Variants in PCNX1 observed in about 807,000 individuals in gnomAD.
PCNX1 encodes the protein pecanex 1.
In PCNX1, 78 loss-of-function variants were observed where a neutral mutation model predicts 242.2. The ratio of observed to expected loss-of-function variants is 0.32; its 90% CI spans 0.27 to 0.39. PCNX1 has a LOEUF of 0.39. PCNX1 is among the 10% of genes least tolerant of loss of function. PCNX1 has a pLI of 1.00. For synonymous variants in PCNX1, 1,024 were observed against 1,032.9 expected (o/e 0.99, Z 0.17); for missense variants, 2,581 against 2,856.5 (o/e 0.90, Z 2.20).
In PCNX1 at chr14:71,035,062, C is replaced by A. The variant is rs192787177; in HGVS notation, c.3775-1003C>A. On this transcript the variant is annotated intron_variant, in intron 18 of 35. Transcript: ENST00000304743. ...AGGGATATACCCCTATAAATGACAC[C>A]GTGGTCAGGAGTGGTGGTGTGTGCC... Among the ~76,000 whole-genome samples, 278 of 152,082 alleles carry A rather than the reference C, an allele frequency of 1.8e-3. 3 individuals are homozygous for A. The highest frequency in any genetic ancestry group is 6.6e-3 in the African/African-American group (273 of 41,480).
Position 70,988,600 on chromosome 14 carries a change from G to T in PCNX1, c.2345G>T (p.Arg782Leu), listed in dbSNP as rs34655198. Residue 782 changes from arginine (R) to leucine (L), a missense_variant, in exon 7 of 36, where the codon CGC (arginine) becomes CTC (leucine). By Grantham distance (102) the Arg-to-Leu change is moderately radical (BLOSUM62 -2). This residue lies in a region of PCNX1 where 1,204 missense variants were observed against 1,216.7 expected (regional missense o/e 0.99). Coordinates refer to ENST00000304743, the MANE Select transcript of PCNX1 (RefSeq NM_014982.3). ...GCCAGCGAGGAGGCAGTGTCATTTCGCCGTGAACGCAGCACATTTAGGCGC... is the reference window on the plus strand; with the variant it reads ...GCCAGCGAGGAGGCAGTGTCATTTCTCCGTGAACGCAGCACATTTAGGCGC... Reference protein sequence around the residue: ...AQASEEAVSFRRERSTFRRQA... With the variant: ...AQASEEAVSFLRERSTFRRQA... The T allele has an allele frequency of 2.5e-6, 4 of 1,614,052 alleles. No individual in the cohort carries two copies. Among genetic ancestry groups the T allele is most frequent in the African/African-American group, 1.3e-5 (1 of 75,006 alleles).
At chr14:70,967,479 A>G (rs914785055) in intron 3 of PCNX1, among the ~76,000 whole-genome samples, 13 of 152,146 alleles carry the variant, frequency 8.5e-5, no homozygotes, top group African/African-American at 3.1e-4. Context: ...AATTTGTGGT[A>G]TTTATTTATA....
chr14:71,000,806 A>G (rs538528430), intron 8 of PCNX1, among the ~76,000 whole-genome samples: 2 of 152,244 alleles, frequency 1.3e-5, no homozygotes, highest in East Asian at 3.9e-4. Flanking sequence ...GATTATAGGC[A>G]TGAGCCACCA....
At chr14:70,988,500 C>T (rs978946720) in intron 6 of PCNX1, 67 bp from the exon 7 acceptor site, 34 of 1,554,350 alleles carry the variant, frequency 2.2e-5, no homozygotes, top group Middle Eastern at 1.7e-4. Flanking sequence ...CAAGGGAAAG[C>T]CAGGCTCAGC....
intron 32 of PCNX1, among the ~76,000 whole-genome samples, chr14:71,104,841 C>A (rs1189209265): frequency 6.6e-6 from 1 of 152,066 alleles, no homozygotes; most frequent in African/African-American, 2.4e-5. Flanking sequence ...GCAGGAAAAT[C>A]GTTTGAACTT....
chr14:71,070,299 C>T (rs1046592079), intron 26 of PCNX1, among the ~76,000 whole-genome samples: 1 of 152,160 alleles, frequency 6.6e-6, no homozygotes, highest in Non-Finnish European at 1.5e-5. Flanking sequence ...ATTTCAAATT[C>T]CTATTAGTGT....
chr14:71,080,530 G>A (rs1469077180), intron 28 of PCNX1, among the ~76,000 whole-genome samples: 4 of 152,074 alleles, frequency 2.6e-5, no homozygotes, highest in Admixed American at 6.6e-5. Context: ...CCATTTGTTT[G>A]TGTCCTCTCT....
intron 24 of PCNX1, among the ~76,000 whole-genome samples, chr14:71,054,729 A>G (rs1211032056): frequency 6.6e-6 from 1 of 152,190 alleles, no homozygotes; most frequent in Non-Finnish European, 1.5e-5. Context: ...TGTACTTCAG[A>G]AGGCAGCAGA....
chr14:71,032,480 A>G (rs1342611682), intron 16 of PCNX1, among the ~76,000 whole-genome samples: 1 of 150,640 alleles, frequency 6.6e-6, no homozygotes, highest in East Asian at 2.0e-4. Context: ...TTATTTGGGA[A>G]ATACAAAGAT....
intron 14 of PCNX1, 79 bp downstream of exon 14, chr14:71,026,367 A>ATTTATCAGTAATTGATATATATCAAT: frequency 1.2e-6 from 1 of 857,130 alleles, no homozygotes; most frequent in South Asian, 2.2e-5. Context: ...TATATCAATT[A>ATTTATCAGTAATTGATATATATCAAT]TACAGCTTTA....
chr14:71,075,131 A>C (rs1402062965), intron 27 of PCNX1, among the ~76,000 whole-genome samples: 1 of 151,408 alleles, frequency 6.6e-6, no homozygotes, highest in Non-Finnish European at 1.5e-5. Context: ...AGTAACTGGG[A>C]CTACAGGTGC....
rs1409863302 is a variant in PCNX1 at position 70,993,087 on chromosome 14, T to C, written c.2445-2654T>C. 2.6e-5 allele frequency among the ~76,000 whole-genome samples: 4 copies of C among 151,744 alleles called. No homozygotes were observed. In the East Asian group the frequency reaches 7.7e-4, roughly 29 times the overall value. On this transcript the variant is annotated intron_variant, in intron 7 of 35. Transcript: ENST00000304743. ...TATTTGGTATTTTGAGATTAAAATT[T>C]ATTTATTAGAAATTTTAATAAAAAT...
chr14:70,958,962 G>A (rs1455370176), intron 2 of PCNX1, among the ~76,000 whole-genome samples: 3 of 102,380 alleles, frequency 2.9e-5, no homozygotes, highest in Non-Finnish European at 5.3e-5. Context: ...CAGATAGCAA[G>A]ATATATCCTC....
chr14:71,076,930 AACT>A (rs2061732861), intron 28 of PCNX1, among the ~76,000 whole-genome samples: 2 of 152,244 alleles, frequency 1.3e-5, no homozygotes. Context: ...ATTTAATTTT[AACT>A]GATTTAAATT....
At chr14:71,088,845 A>C (rs1016219143) in intron 29 of PCNX1, among the ~76,000 whole-genome samples, 2 of 152,198 alleles carry the variant, frequency 1.3e-5, no homozygotes, top group African/African-American at 4.8e-5. Context: ...GAATTTCCTA[A>C]CATATACATC....
chr14:70,963,014 G>A (rs1035736503), intron 3 of PCNX1, among the ~76,000 whole-genome samples: 6 of 152,180 alleles, frequency 3.9e-5, no homozygotes, highest in African/African-American at 1.2e-4. Flanking sequence ...ATAGGTTTTA[G>A]TAGTTGCTAT....
intron 6 of PCNX1, among the ~76,000 whole-genome samples, chr14:70,985,482 G>C (rs565923797): frequency 6.6e-6 from 1 of 152,308 alleles, no homozygotes; most frequent in African/African-American, 2.4e-5. Flanking sequence ...CCAAAGTGCT[G>C]GGATTACAGG....
intron 28 of PCNX1, among the ~76,000 whole-genome samples, chr14:71,076,635 C>T (rs1270668313): frequency 6.6e-6 from 1 of 152,188 alleles, no homozygotes; most frequent in Non-Finnish European, 1.5e-5. Flanking sequence ...TTTGCAGTGT[C>T]CCAGTCTCAC....
intron 13 of PCNX1, among the ~76,000 whole-genome samples, chr14:71,025,351 T>C (rs990837432): frequency 1.3e-5 from 2 of 152,208 alleles, no homozygotes; most frequent in African/African-American, 4.8e-5. Context: ...TCTACCTTTT[T>C]GTCACAACAA....
Sources: allele counts gnomAD v4.1 joint callset (sites outside exome capture counted in the v4.1 genomes callset), GRCh38; gene constraint gnomAD v4.1.1; regional missense constraint gnomAD v4.1.1; transcripts MANE v1.5; gene names NCBI Gene and HGNC (gene_info 2026-07-23, HGNC 2026-07-21).